INPP5B: variants seen among roughly 807,000 people sequenced by gnomAD.
INPP5B encodes type II inositol 1,4,5-trisphosphate 5-phosphatase.
A neutral mutation model predicts 118.5 loss-of-function variants in INPP5B; 90 were observed. The observed-to-expected ratio is 0.76, with a 90% CI of 0.64 to 0.90. The LOEUF (loss-of-function observed/expected upper bound fraction) is 0.90, where lower values mean the gene tolerates loss of function less well. Ranked by LOEUF, INPP5B falls within the 40% of genes least tolerant of loss-of-function variation. INPP5B has a pLI of 0.00. For synonymous variants in INPP5B, 385 were observed against 418.9 expected, an observed-to-expected ratio of 0.92 and a Z score of 0.99; for missense variants, 984 against 1,125.6, an observed-to-expected ratio of 0.87 and a Z score of 1.80.
At chr1:37,917,122 C>G (rs1055805213) in intron 7 of INPP5B, among the ~76,000 whole-genome samples, 9 of 149,426 alleles carry the variant, frequency 6.0e-5, no homozygotes, top group African/African-American at 2.2e-4. Context: ...AACCCCGTCT[C>G]TACTAAAAAT....
In INPP5B at chr1:37,862,220, A is replaced by G. The variant is rs1268884349; in HGVS notation, c.*95T>C. The G allele has an allele frequency of 2.6e-6, 2 of 783,808 alleles. No homozygotes were observed. Among genetic ancestry groups the G allele is most frequent in the Non-Finnish European group, 2.2e-6 (1 of 451,400 alleles). The allele number at this position is 783,808 out of a possible 1,614,324, so 48.6% of individuals were successfully genotyped here. ...GAAATAGCTGCCATTCTTGCTACCA[A>G]GTGGCCTCACATAATTATCTTAAGG... On this transcript the variant is annotated 3_prime_UTR_variant, in exon 24 of 24. Coordinates refer to ENST00000373024, the MANE Select transcript of INPP5B (RefSeq NM_005540.3).
At chr1:37,944,478 GA>G (rs1646045914) in intron 3 of INPP5B, among the ~76,000 whole-genome samples, 1 of 151,962 alleles carries the variant, frequency 6.6e-6, no homozygotes, top group South Asian at 2.1e-4. Flanking sequence ...GGCTGGTCTT[GA>G]ACTCAAGCAG....
chr1:37,892,349 A>ATTGCC (rs765643961), intron 7 of INPP5B, among the ~76,000 whole-genome samples: 1 of 152,244 alleles, frequency 6.6e-6, no homozygotes, highest in Non-Finnish European at 1.5e-5. Context: ...TTGTTGACAA[A>ATTGCC]TTGCCTTGAA....
intron 7 of INPP5B, among the ~76,000 whole-genome samples, chr1:37,923,828 T>C (rs1233740289): frequency 6.6e-6 from 1 of 151,334 alleles, no homozygotes; most frequent in African/African-American, 2.4e-5. Context: ...CAGGCTGGAG[T>C]GCAGTGGCGT....
chr1:37,935,684 TC>T (rs1645658927), intron 6 of INPP5B, among the ~76,000 whole-genome samples: 2 of 152,154 alleles, frequency 1.3e-5, no homozygotes, highest in Non-Finnish European at 2.9e-5. Context: ...CATTCCTATC[TC>T]CCTGCTCTAG....
chr1:37,877,994 C>G (rs894932093), intron 16 of INPP5B, among the ~76,000 whole-genome samples, 194 bp downstream of exon 16: 1 of 152,090 alleles, frequency 6.6e-6, no homozygotes, highest in Non-Finnish European at 1.5e-5. Flanking sequence ...AGGGAACTTC[C>G]ATGTATGAGG....
chr1:37,945,825 C>T lies in INPP5B; in HGVS notation c.83G>A (p.Gly28Glu). ...VIAVQGVLCEGDSRQSRLLGL... is the reference protein window; with the variant it reads ...VIAVQGVLCEEDSRQSRLLGL... ...CAGGAGGCGGCTCTGCCGGCTGTCC[C>T]CCTCACACAGCACACCTTGCACCGC... The change falls in exon 3 of 24, where the codon GGG becomes GAG. Residue 28 changes from glycine (G) to glutamate (E), a missense_variant. Physicochemically the swap from Gly to Glu is moderately conservative, Grantham distance 98. This residue lies in a region of INPP5B where 350 missense variants were observed against 334.6 expected (regional missense o/e 1.05). Coordinates refer to ENST00000373024, the MANE Select transcript of INPP5B (RefSeq NM_005540.3). 6.2e-7 allele frequency: 1 copy of T among 1,614,022 alleles called. No individual in the cohort carries two copies. The highest frequency in any genetic ancestry group is 8.5e-7 in the Non-Finnish European group (1 of 1,180,018).
At chr1:37,883,364 T>G (rs1188406661) in intron 13 of INPP5B, 1 of 985,314 alleles carries the variant, frequency 1.0e-6, no homozygotes, top group Non-Finnish European at 1.2e-6. Context: ...TAGAGCAGAG[T>G]TCCTCTGAAA....
intron 16 of INPP5B, 147 bp downstream of exon 16, chr1:37,878,041 A>G (rs1642949205): frequency 1.1e-6 from 1 of 938,834 alleles, no homozygotes; most frequent in African/African-American, 1.7e-5. Flanking sequence ...TTATTAACCA[A>G]GTTGTTAATA....
rs753855705 is a variant in INPP5B, at chr1:37,868,585, A to G, written c.2217T>C (p.Asp739=). The G allele has an allele frequency of 6.2e-7, 1 of 1,613,590 alleles. No homozygotes were observed. Among genetic ancestry groups the G allele is most frequent in the South Asian group, 1.1e-5 (1 of 91,060 alleles). ...CCATGGGGCTATCCAACTGGCTCCC[A>G]TCATCTCCAGTCCATACTGGCATCA... ...LTLMPVWTGD[D]GSQLDSPMEI... Residue 739 remains aspartate, a synonymous_variant, in exon 20 of 24, where the codon GAT becomes GAC. Coordinates refer to ENST00000373024, the MANE Select transcript of INPP5B (RefSeq NM_005540.3).
At chr1:37,927,323 G>A (rs919772352) in intron 7 of INPP5B, among the ~76,000 whole-genome samples, 2 of 151,892 alleles carry the variant, frequency 1.3e-5, no homozygotes, top group Non-Finnish European at 2.9e-5. Context: ...TTAAATAAGT[G>A]CAGGAGCAGA....
At chr1:37,931,278 A>C (rs1645446305) in intron 7 of INPP5B, 2 of 457,634 alleles carry the variant, frequency 4.4e-6, no homozygotes, top group Non-Finnish European at 7.7e-6. Context: ...CCAAAGGAAG[A>C]CTCTATCGTA....
At chr1:37,876,703 C>CAAAAAAAAAAAA (rs754849945) in intron 16 of INPP5B, among the ~76,000 whole-genome samples, 9 of 80,752 alleles carry the variant, frequency 1.1e-4, no homozygotes, top group South Asian at 4.4e-4. Flanking sequence ...ACTAAAAATA[C>CAAAAAAAAAAAA]AAAAAAAAAA....
chr1:37,866,340 T>C (rs1642027446), intron 21 of INPP5B, 119 bp downstream of exon 21: 5 of 623,098 alleles, frequency 8.0e-6, no homozygotes, highest in South Asian at 5.9e-5. Flanking sequence ...ATATCAGATT[T>C]TGAGCCATAA....
chr1:37,898,787 A>G (rs896531852), intron 7 of INPP5B, among the ~76,000 whole-genome samples: 2 of 152,202 alleles, frequency 1.3e-5, no homozygotes, highest in Admixed American at 6.5e-5. Flanking sequence ...AGAAAATGAC[A>G]AAAGTGTCTA....
Position 37,872,864 on chromosome 1 carries a change from A to T in INPP5B, c.2187+66T>A, listed in dbSNP as rs1438584554. On this transcript the variant is annotated intron_variant, in intron 19 of 23. Coordinates refer to ENST00000373024, the MANE Select transcript of INPP5B (RefSeq NM_005540.3). ...AAGTCCCTAGGAAGGTAGGCATAGG[A>T]ATATCTTGTTTGACTGGCTTGTCTG... 4.1e-6 allele frequency: 5 copies of T among 1,205,690 alleles called. No individual in the cohort carries two copies. In the Admixed American group the frequency reaches 5.7e-5, roughly 14 times the overall value. 74.7% of individuals were successfully genotyped at this position (1,205,690 alleles called of 1,614,324 possible). A position where few individuals can be genotyped will look rare whatever the true frequency, so the allele number is the denominator to read the frequency against.
intron 7 of INPP5B, among the ~76,000 whole-genome samples, chr1:37,901,485 T>A (rs746071220): frequency 9.9e-5 from 15 of 152,206 alleles, no homozygotes; most frequent in Non-Finnish European, 2.2e-4. Context: ...TCTCTCAGGA[T>A]GTTTCTTTAG....
chr1:37,894,620 G>C (rs1171414616), intron 7 of INPP5B, among the ~76,000 whole-genome samples: 1 of 148,066 alleles, frequency 6.8e-6, no homozygotes, highest in Non-Finnish European at 1.5e-5. Context: ...GGAGTGCAGT[G>C]GCGCAAGCTT....
chr1:37,894,668 T>A (rs1643957576), intron 7 of INPP5B, among the ~76,000 whole-genome samples: 1 of 151,916 alleles, frequency 6.6e-6, no homozygotes, highest in Non-Finnish European at 1.5e-5. Context: ...TTCAAGCTAT[T>A]CTCCTGCCTC....
Sources: gnomAD v4.1 joint callset for allele counts (sites outside exome capture counted in the v4.1 genomes callset) on GRCh38, gnomAD v4.1.1 for gene constraint, gnomAD v4.1.1 regional missense constraint, MANE v1.5 for transcripts, NCBI Gene and HGNC (gene_info 2026-07-23, HGNC 2026-07-21) for gene names.